SEL1L2: variants seen among roughly 807,000 people sequenced by gnomAD.
SEL1L2 encodes the protein protein sel-1 homolog 2.
SEL1L2 carries 89 observed loss-of-function variants against 98.8 expected under a neutral mutation model. The ratio of observed to expected loss-of-function variants is 0.90; its 90% CI spans 0.76 to 1.07. The LOEUF is 1.07. SEL1L2 is among the 50% of genes least tolerant of loss of function. The pLI, the probability that SEL1L2 is intolerant of heterozygous loss-of-function variation, is 0.00. For missense variants in SEL1L2, 788 were observed against 812.0 expected (o/e 0.97, Z 0.36); for synonymous variants, 262 against 278.5 (o/e 0.94, Z 0.59).
chr20:13,918,159 C>T (rs570497264), intron 4 of SEL1L2, among the ~76,000 whole-genome samples: 1 of 152,238 alleles, frequency 6.6e-6, no homozygotes, highest in African/African-American at 2.4e-5. Context: ...TTCAACTTAG[C>T]AGTTAGGGGA....
intron 4 of SEL1L2, among the ~76,000 whole-genome samples, chr20:13,916,425 C>G (rs1049200022): frequency 6.6e-6 from 1 of 152,174 alleles, no homozygotes; most frequent in Non-Finnish European, 1.5e-5. Context: ...CCTGATAACA[C>G]AAGAACTTCA....
chr20:13,859,429 C>T lies in SEL1L2; in HGVS notation c.1651G>A (p.Ala551Thr). 6.2e-7 allele frequency: 1 copy of T among 1,612,122 alleles called. No individual in the cohort carries two copies. Among genetic ancestry groups the T allele is most frequent in the Non-Finnish European group, 8.5e-7 (1 of 1,178,420 alleles). The change falls in exon 18 of 20, where the codon GCA becomes ACA. Residue 551 changes from alanine to threonine, a missense_variant. Transcript: ENST00000284951. ...LWNRAAIQGN[A>T]FARVKIGDYH... ...TCTCCAATTTTTACTCTAGCAAATG[C>T]ATTGCCTGATAGAAATATTAGAGAA...
chr20:13,955,755 T>C (rs2148444815), intron 2 of SEL1L2, among the ~76,000 whole-genome samples: 1 of 152,354 alleles, frequency 6.6e-6, no homozygotes, highest in East Asian at 1.9e-4. Flanking sequence ...GGTGGGTCTC[T>C]GCTCTTTGTG....
intron 2 of SEL1L2, among the ~76,000 whole-genome samples, chr20:13,941,601 A>T (rs532464108): frequency 6.6e-6 from 1 of 152,322 alleles, no homozygotes; most frequent in South Asian, 2.1e-4. Context: ...GTGATAGGAG[A>T]TTCCATTTAC....
intron 18 of SEL1L2, 88 bp from the exon 19 acceptor site, chr20:13,850,407 GT>G: frequency 7.0e-7 from 1 of 1,428,548 alleles, no homozygotes; most frequent in Non-Finnish European, 9.8e-7. Context: ...TGTAATTAAG[GT>G]TACAGGTCTT....
upstream of SEL1L2, chr20:13,990,679 G>C: frequency 4.9e-6 from 3 of 614,894 alleles, no homozygotes; most frequent in East Asian, 3.0e-5. Context: ...TGGGCTGCCA[G>C]AGTGTTCCTT....
intron 1 of SEL1L2, among the ~76,000 whole-genome samples, chr20:13,959,276 G>C (rs1311228780): frequency 1.3e-5 from 2 of 152,174 alleles, no homozygotes; most frequent in Non-Finnish European, 2.9e-5. Flanking sequence ...GTGATGACCA[G>C]CTCAGTGGTT....
chr20:13,906,823 C>T (rs1001953520), intron 5 of SEL1L2, among the ~76,000 whole-genome samples: 5 of 152,134 alleles, frequency 3.3e-5, no homozygotes, highest in East Asian at 1.9e-4. Flanking sequence ...GGATTACAGG[C>T]GCGTGCCACC....
chr20:13,889,658 GC>G (rs2047117885), intron 5 of SEL1L2, among the ~76,000 whole-genome samples: 3 of 152,058 alleles, frequency 2.0e-5, no homozygotes, highest in Admixed American at 2.0e-4. Flanking sequence ...GGGCGTGGTA[GC>G]GGGGGCCTGT....
chr20:13,917,640 T>G (rs1007293230), intron 4 of SEL1L2, among the ~76,000 whole-genome samples: 1 of 152,170 alleles, frequency 6.6e-6, no homozygotes, highest in African/African-American at 2.4e-5. Context: ...TTTTAAGAAC[T>G]CATGGACTTT....
intron 8 of SEL1L2, among the ~76,000 whole-genome samples, chr20:13,886,964 A>C (rs749878115): frequency 6.6e-6 from 1 of 152,186 alleles, no homozygotes; most frequent in African/African-American, 2.4e-5. Context: ...TATGGTATCA[A>C]CTTATATCAG....
At chr20:13,983,522 G>GT (rs2148562877) in intron 1 of SEL1L2, among the ~76,000 whole-genome samples, 2 of 151,822 alleles carry the variant, frequency 1.3e-5, no homozygotes, top group South Asian at 4.2e-4. Flanking sequence ...TTTTGTTTTT[G>GT]TTTTTGTTTT....
rs1349885150 is a variant in SEL1L2, at chr20:13,857,409, G to T, written c.1818+1853C>A. ...ACTACTATTTGACATTGTGAAGGAA[G>T]TGCTTAGGAAACAGATCAGTGGTGA... On this transcript the variant is annotated intron_variant, in intron 18 of 19. Coordinates refer to ENST00000284951, the MANE Select transcript of SEL1L2 (RefSeq NM_025229.2). Among the ~76,000 whole-genome samples, 3 of 152,340 alleles carry T rather than the reference G, an allele frequency of 2.0e-5. No homozygotes were observed. The South Asian group carries it at 6.2e-4, about 32-fold the overall frequency.
chr20:13,889,138 T>C (rs2047094718), intron 5 of SEL1L2, among the ~76,000 whole-genome samples: 1 of 151,702 alleles, frequency 6.6e-6, no homozygotes, highest in South Asian at 2.1e-4. Context: ...TTTGTATTTT[T>C]AGTAGAGATG....
intron 4 of SEL1L2, chr20:13,914,983 T>G: frequency 1.5e-6 from 1 of 681,588 alleles, no homozygotes; most frequent in Non-Finnish European, 2.1e-6. Context: ...GGGATTTATT[T>G]TTACTTTTAT....
upstream of SEL1L2, among the ~76,000 whole-genome samples, chr20:13,992,939 G>A (rs780839674): frequency 2.0e-5 from 3 of 152,036 alleles, no homozygotes; most frequent in Non-Finnish European, 4.4e-5. Context: ...TAATTACTTC[G>A]TAAAGACCTA....
upstream of SEL1L2, chr20:13,995,311 G>C (rs572104367): frequency 2.3e-3 from 563 of 242,598 alleles, 2 homozygotes; most frequent in Non-Finnish European, 3.2e-3. The surrounding 1 kb of genome is among the most constrained non-coding windows in gnomAD (Gnocchi z 4.3). Flanking sequence ...CTCGCTCCCT[G>C]GCTCCGCCCC....
chr20:13,899,978 C>A (rs2047596831), intron 5 of SEL1L2, among the ~76,000 whole-genome samples: 1 of 151,956 alleles, frequency 6.6e-6, no homozygotes, highest in Admixed American at 6.6e-5. Context: ...CTTCTGGATT[C>A]TTATTAAGGC....
chr20:13,922,255 C>G (rs1945861032), intron 3 of SEL1L2, among the ~76,000 whole-genome samples: 1 of 152,176 alleles, frequency 6.6e-6, no homozygotes, highest in Non-Finnish European at 1.5e-5. Context: ...TACCATTTCT[C>G]ACAATATGAC....
Sources: gnomAD v4.1 joint callset for allele counts (sites outside exome capture counted in the v4.1 genomes callset) on GRCh38, gnomAD v4.1.1 for gene constraint, Gnocchi (gnomAD v3.1) non-coding constraint, MANE v1.5 for transcripts, NCBI Gene and HGNC (gene_info 2026-07-23, HGNC 2026-07-21) for gene names.